MTUS2: variants seen among roughly 807,000 people sequenced by gnomAD.
MTUS2 encodes the protein microtubule associated scaffold protein 2, also known as microtubule-associated tumor suppressor candidate 2.
MTUS2 carries 40 observed loss-of-function variants against 114.1 expected under a neutral mutation model. The observed-to-expected ratio is 0.35, with a 90% CI of 0.27 to 0.46. The LOEUF (loss-of-function observed/expected upper bound fraction) is 0.46, where lower values mean the gene tolerates loss of function less well. Among genes scored for constraint, MTUS2 ranks in the 20% least tolerant of loss-of-function variants. The pLI, the probability that MTUS2 is intolerant of heterozygous loss-of-function variation, is 1.00. For synonymous variants in MTUS2, 688 were observed against 672.0 expected (o/e 1.02, Z -0.37); for missense variants, 1,679 against 1,705.4 (o/e 0.98, Z 0.27).
chr13:29,271,494 A>G (rs1897879587), intron 5 of MTUS2, among the ~76,000 whole-genome samples: 1 of 151,956 alleles, frequency 6.6e-6, no homozygotes, highest in Non-Finnish European at 1.5e-5. Flanking sequence ...AACTGTCAAA[A>G]CCCACCTGGA....
chr13:29,344,033 A>C (rs555875216), intron 7 of MTUS2, among the ~76,000 whole-genome samples: 1 of 152,132 alleles, frequency 6.6e-6, no homozygotes, highest in South Asian at 2.1e-4. Context: ...ATGTAATTTC[A>C]ATTTTCTGAA....
chr13:29,359,238 G>T, intron 7 of MTUS2, 24 bp from the exon 8 acceptor site: 1 of 1,566,976 alleles, frequency 6.4e-7, no homozygotes. Flanking sequence ...ACAGGTGACC[G>T]GGGTTTGGTT....
At chr13:28,866,622 T>C (rs1877313306) in intron 2 of MTUS2, among the ~76,000 whole-genome samples, 1 of 152,204 alleles carries the variant, frequency 6.6e-6, no homozygotes, top group Admixed American at 6.5e-5. Context: ...TCTTTTCATG[T>C]AGTTATCTTA....
At chr13:29,423,182 A>T (rs1049093313) in intron 8 of MTUS2, among the ~76,000 whole-genome samples, 2 of 152,220 alleles carry the variant, frequency 1.3e-5, no homozygotes, top group African/African-American at 4.8e-5. Context: ...CTCCAAGAGA[A>T]GGAGCTGCTT....
At position 29,281,830 on chromosome 13, in the gene MTUS2, T is replaced by C; in HGVS notation, c.2771T>C (p.Leu924Ser). Reference protein sequence around the residue: ...SSSVTAPRRSLLPAPKSTSTP... With the variant: ...SSSVTAPRRSSLPAPKSTSTP... ...AGTGTGACAGCACCCCGCAGGAGTT[T>C]ACTTCCAGCGCCAAAATCCACTTCC... The change falls in exon 6 of 16, where the codon TTA becomes TCA. Residue 924 changes from leucine to serine, a missense_variant. By Grantham distance (145) the Leu-to-Ser change is moderately radical. This residue lies in a region of MTUS2 where 822 missense variants were observed against 899.7 expected (regional missense o/e 0.91). Transcript: ENST00000612955. The C allele has an allele frequency of 6.2e-7, 1 of 1,606,434 alleles. No individual in the cohort carries two copies. The highest frequency in any genetic ancestry group is 8.5e-7 in the Non-Finnish European group (1 of 1,174,710).
At chr13:29,022,021 A>C (rs1409237731) in intron 2 of MTUS2, among the ~76,000 whole-genome samples, 1 of 152,190 alleles carries the variant, frequency 6.6e-6, no homozygotes, top group African/African-American at 2.4e-5. Flanking sequence ...TGGAAAGAAC[A>C]GAAGAGCAGT....
At chr13:28,936,557 G>C (rs923580014) in intron 2 of MTUS2, among the ~76,000 whole-genome samples, 1 of 152,140 alleles carries the variant, frequency 6.6e-6, no homozygotes, top group Admixed American at 6.5e-5. Context: ...CTTGGGGGAA[G>C]AACATGGAGT....
intron 6 of MTUS2, among the ~76,000 whole-genome samples, chr13:29,298,844 G>A (rs184214607): frequency 2.7e-4 from 41 of 152,252 alleles, no homozygotes; most frequent in Non-Finnish European, 1.8e-4. Context: ...GAGTGTTCAG[G>A]AATCTCCCAG....
intron 2 of MTUS2, among the ~76,000 whole-genome samples, chr13:28,990,675 T>C (rs1241069679): frequency 1.0e-5 from 1 of 96,378 alleles, no homozygotes; most frequent in African/African-American, 4.0e-5. Context: ...CTCTGTAAAA[T>C]AGACCAATCA....
intron 2 of MTUS2, among the ~76,000 whole-genome samples, chr13:28,876,387 T>C (rs1381072075): frequency 6.6e-6 from 1 of 152,210 alleles, no homozygotes; most frequent in East Asian, 1.9e-4. Flanking sequence ...ATATGGACAC[T>C]GAGCAGTACG....
rs914907432 is a variant in MTUS2 at position 29,504,686 on chromosome 13, A to G, written c.*1480A>G. On this transcript the variant is annotated 3_prime_UTR_variant, in exon 16 of 16. Transcript: ENST00000612955. ...ATTAGGAGCATGATACACAAAAGGA[A>G]GAAGTAGTTTTAACAGATATGGTGA... 1 of 233,272 alleles carries G rather than the reference A, an allele frequency of 4.3e-6. No individual in the cohort carries two copies. The highest frequency in any genetic ancestry group is 8.5e-6 in the Non-Finnish European group (1 of 118,036). The allele number at this position is 233,272 out of a possible 1,614,324, so 14.5% of individuals were successfully genotyped here.
chr13:28,968,821 C>T (rs1390844075), intron 2 of MTUS2, among the ~76,000 whole-genome samples: 1 of 151,968 alleles, frequency 6.6e-6, no homozygotes, highest in African/African-American at 2.4e-5. Flanking sequence ...TTCACTTGTA[C>T]TCATTATCAT....
At chr13:29,204,574 T>G (rs966587901) in intron 5 of MTUS2, among the ~76,000 whole-genome samples, 44 of 152,150 alleles carry the variant, frequency 2.9e-4, no homozygotes, top group African/African-American at 1.0e-3. Flanking sequence ...CCCATTGAGA[T>G]AGATGACTTT....
At chr13:28,841,834 G>T (rs1017369918) in intron 2 of MTUS2, among the ~76,000 whole-genome samples, 1 of 152,052 alleles carries the variant, frequency 6.6e-6, no homozygotes, top group African/African-American at 2.4e-5. Context: ...TTACAGATGC[G>T]TGCCACCACG....
At chr13:28,969,456 T>G (rs533921762) in intron 2 of MTUS2, among the ~76,000 whole-genome samples, 111 of 152,232 alleles carry the variant, frequency 7.3e-4, no homozygotes, top group African/African-American at 2.3e-3. Flanking sequence ...AATATATTAT[T>G]ATGATGATTA....
chr13:29,174,939 A>C (rs1021655156), intron 5 of MTUS2, among the ~76,000 whole-genome samples: 1 of 152,336 alleles, frequency 6.6e-6, no homozygotes, highest in East Asian at 1.9e-4. Context: ...GCAGTTCGCT[A>C]TTCCTTCACT....
intron 5 of MTUS2, among the ~76,000 whole-genome samples, chr13:29,277,318 A>G (rs1291917429): frequency 2.6e-5 from 4 of 152,092 alleles, no homozygotes; most frequent in Non-Finnish European, 5.9e-5. Context: ...CTTTTCTTTC[A>G]GTTATGTTGC....
chr13:29,325,497 G>A (rs1290123828), intron 7 of MTUS2, among the ~76,000 whole-genome samples: 4 of 138,240 alleles, frequency 2.9e-5, no homozygotes, highest in African/African-American at 1.1e-4. Context: ...AGAGGGAGGA[G>A]GAGGAGGAGG....
chr13:29,204,792 C>G (rs535902598), intron 5 of MTUS2, among the ~76,000 whole-genome samples: 85 of 152,218 alleles, frequency 5.6e-4, no homozygotes, highest in Non-Finnish European at 1.2e-3. Flanking sequence ...GTGTACACAG[C>G]TTCGTGACCA....
Sources: gnomAD v4.1 joint callset for allele counts (sites outside exome capture counted in the v4.1 genomes callset) on GRCh38, gnomAD v4.1.1 for gene constraint, gnomAD v4.1.1 regional missense constraint, MANE v1.5 for transcripts, NCBI Gene and HGNC (gene_info 2026-07-23, HGNC 2026-07-21) for gene names.